Variants in RGS6 observed in about 807,000 individuals in gnomAD.
RGS6 encodes regulator of G-protein signaling 6.
Under a neutral mutation model 78.5 loss-of-function variants are expected in RGS6, and 30 were observed. That is an observed-to-expected ratio of 0.38 (90% CI 0.29 to 0.52). The LOEUF is 0.52. Among genes scored for constraint, RGS6 ranks in the 20% least tolerant of loss-of-function variants. The pLI is 0.85. For synonymous variants in RGS6, 206 were observed against 206.0 expected (o/e 1.00, Z 0.00); for missense variants, 495 against 609.7 (o/e 0.81, Z 1.98).
intron 2 of RGS6, among the ~76,000 whole-genome samples, chr14:72,028,185 A>G (rs190565963): frequency 1.9e-4 from 29 of 152,238 alleles, no homozygotes; most frequent in African/African-American, 6.5e-4. Context: ...TTTTTCATCA[A>G]TCTCAACTAC....
the RGS6 span, among the ~76,000 whole-genome samples, chr14:71,868,793 C>T: frequency 6.6e-6 from 1 of 152,194 alleles, no homozygotes; most frequent in African/African-American, 2.4e-5. Flanking sequence ...TCCTACTGCA[C>T]TTCTTCCACC....
intron 2 of RGS6, among the ~76,000 whole-genome samples, chr14:72,326,852 C>T (rs935979739): frequency 1.1e-4 from 16 of 152,284 alleles, no homozygotes; most frequent in Admixed American, 4.6e-4. Flanking sequence ...GGACTACAGG[C>T]GCCCGCCACC....
the RGS6 span, among the ~76,000 whole-genome samples, chr14:71,905,143 T>C: frequency 6.6e-6 from 1 of 152,350 alleles, no homozygotes; most frequent in Admixed American, 6.5e-5. Context: ...GAAGTCACTC[T>C]CTGCCCTTGA....
intron 17 of RGS6, among the ~76,000 whole-genome samples, chr14:72,557,188 A>AGAGTT (rs1173087274): frequency 3.3e-5 from 5 of 152,206 alleles, no homozygotes; most frequent in African/African-American, 1.2e-4. Flanking sequence ...CTTGTTTCAC[A>AGAGTT]GAGTTGAGTT....
intron 3 of RGS6, among the ~76,000 whole-genome samples, chr14:72,436,146 G>T (rs2094903992): frequency 1.3e-5 from 2 of 152,152 alleles, no homozygotes; most frequent in South Asian, 4.1e-4. Context: ...CTTGCGGATG[G>T]AAGTCAAGCA....
At chr14:72,211,826 G>C (rs964533496) in intron 2 of RGS6, among the ~76,000 whole-genome samples, 1 of 152,130 alleles carries the variant, frequency 6.6e-6, no homozygotes, top group African/African-American at 2.4e-5. Flanking sequence ...TTGATTCTAA[G>C]GAATGTAGCA....
chr14:72,188,909 TTCTTC>T (rs2097287388), intron 2 of RGS6, among the ~76,000 whole-genome samples: 1 of 152,158 alleles, frequency 6.6e-6, no homozygotes, highest in African/African-American at 2.4e-5. Context: ...TTATGTGATC[TTCTTC>T]TCTCCAGAGG....
At chr14:72,384,434 A>G (rs2087214607) in intron 3 of RGS6, among the ~76,000 whole-genome samples, 2 of 152,222 alleles carry the variant, frequency 1.3e-5, no homozygotes, top group Non-Finnish European at 2.9e-5. Flanking sequence ...TTTTGGTTTT[A>G]AAAGTGAAAG....
chr14:72,355,077 A>C (rs2079965446), intron 3 of RGS6, among the ~76,000 whole-genome samples: 1 of 152,140 alleles, frequency 6.6e-6, no homozygotes, highest in Non-Finnish European at 1.5e-5. Context: ...CTCATAAATG[A>C]GCCATGAAGT....
chr14:72,004,288 A>G (rs1307226638), intron 2 of RGS6, among the ~76,000 whole-genome samples: 1 of 152,208 alleles, frequency 6.6e-6, no homozygotes, highest in Non-Finnish European at 1.5e-5. Flanking sequence ...TTTAAAAAAT[A>G]TGAATGGATG....
intron 3 of RGS6, among the ~76,000 whole-genome samples, chr14:72,369,812 G>A (rs1002713952): frequency 2.0e-5 from 3 of 151,972 alleles, no homozygotes; most frequent in South Asian, 2.1e-4. Context: ...TTATTTCCAC[G>A]TTCGTGATGG....
chr14:72,330,324 C>T (rs1462050475), intron 2 of RGS6, among the ~76,000 whole-genome samples: 1 of 152,254 alleles, frequency 6.6e-6, no homozygotes, highest in African/African-American at 2.4e-5. Context: ...TGCAAAGGAG[C>T]AGGTATTCCA....
intron 2 of RGS6, among the ~76,000 whole-genome samples, chr14:72,312,942 A>C (rs1751749754): frequency 6.6e-6 from 1 of 152,210 alleles, no homozygotes; most frequent in African/African-American, 2.4e-5. Flanking sequence ...GGAGCCCCTC[A>C]TTCCTACTTT....
At position 72,522,474 on chromosome 14, in the gene RGS6, A is replaced by G. The variant is rs79110132; in HGVS notation, c.1278+3937A>G. 9.8e-3 allele frequency among the ~76,000 whole-genome samples: 1,488 copies of G among 152,326 alleles called. 32 individuals carry two copies. Among genetic ancestry groups the G allele is most frequent in the African/African-American group, 0.034 (1,421 of 41,568 alleles). On this transcript the variant is annotated intron_variant, in intron 15 of 17. Coordinates refer to ENST00000553525, the MANE Select transcript of RGS6 (RefSeq NM_001204424.2). ...TAAAACAGGGGTCAGTTAAAAAACT[A>G]TACTTTTCCTAAAAAGAGCCAGATA...
chr14:71,892,906 A>T, the RGS6 span, among the ~76,000 whole-genome samples: 1 of 152,238 alleles, frequency 6.6e-6, no homozygotes, highest in African/African-American at 2.4e-5. Flanking sequence ...GTGTAACGAG[A>T]TAATAATCAT....
At chr14:72,148,815 G>T (rs1375906388) in intron 2 of RGS6, among the ~76,000 whole-genome samples, 1 of 152,194 alleles carries the variant, frequency 6.6e-6, no homozygotes, top group African/African-American at 2.4e-5. Flanking sequence ...TCAAAGTATA[G>T]TATGGTGTCA....
rs2046604676 is a variant in RGS6 at position 72,220,470 on chromosome 14, C to G, written c.85-131625C>G. On this transcript the variant is annotated intron_variant, in intron 2 of 17. Coordinates refer to ENST00000553525, the MANE Select transcript of RGS6 (RefSeq NM_001204424.2). Reference sequence around the variant, plus strand: ...AATGGACTGTCAAGTAAATGGGAACCTGGGGTTAGCTATTTAACATAGTTG... The same window carrying G: ...AATGGACTGTCAAGTAAATGGGAACGTGGGGTTAGCTATTTAACATAGTTG... Among the ~76,000 whole-genome samples, 3 of 152,232 alleles carry G rather than the reference C, an allele frequency of 2.0e-5. No individual in the cohort carries two copies. The South Asian group carries it at 6.2e-4, about 32-fold the overall frequency.
At chr14:72,484,968 T>TTC (rs2096461854) in intron 12 of RGS6, among the ~76,000 whole-genome samples, 1 of 147,012 alleles carries the variant, frequency 6.8e-6, no homozygotes, top group Non-Finnish European at 1.5e-5. Flanking sequence ...TTACTAAAGG[T>TTC]TCATGGGGCA....
intron 14 of RGS6, chr14:72,513,742 C>T (rs1382552657): frequency 6.6e-6 from 1 of 152,276 alleles, no homozygotes; most frequent in Non-Finnish European, 1.5e-5. Flanking sequence ...TTTGTCCTCC[C>T]TGGCTTGACA....
Sources: allele counts gnomAD v4.1 joint callset (sites outside exome capture counted in the v4.1 genomes callset), GRCh38; gene constraint gnomAD v4.1.1; transcripts MANE v1.5; gene names NCBI Gene and HGNC (gene_info 2026-07-23, HGNC 2026-07-21).